AK5: variants seen among roughly 807,000 people sequenced by gnomAD.
The protein encoded by AK5 is adenylate kinase isoenzyme 5.
A neutral mutation model predicts 69.5 loss-of-function variants in AK5; 27 were observed. The ratio of observed to expected loss-of-function variants is 0.39; its 90% CI spans 0.29 to 0.54. AK5 has a LOEUF of 0.54. Ranked by LOEUF, AK5 falls within the 20% of genes least tolerant of loss-of-function variation. The pLI, the probability that AK5 is intolerant of heterozygous loss-of-function variation, is 0.71. For synonymous variants in AK5, 260 were observed against 244.4 expected (o/e 1.06, Z -0.60); for missense variants, 531 against 700.4 (o/e 0.76, Z 2.73).
At chr1:77,401,051 C>T (rs1649182578) in intron 6 of AK5, among the ~76,000 whole-genome samples, 1 of 152,054 alleles carries the variant, frequency 6.6e-6, no homozygotes, top group South Asian at 2.1e-4. Flanking sequence ...TTGTTCCCAC[C>T]CATCTCACTC....
intron 5 of AK5, among the ~76,000 whole-genome samples, chr1:77,333,406 T>C (rs1661188332): frequency 1.3e-5 from 2 of 152,220 alleles, no homozygotes; most frequent in Non-Finnish European, 2.9e-5. Flanking sequence ...TTTATTCTGT[T>C]CAAATCTAAT....
chr1:77,491,304 A>ATT (rs10700619), intron 10 of AK5, among the ~76,000 whole-genome samples: 1,824 of 87,326 alleles, frequency 0.021, 110 homozygotes, highest in African/African-American at 0.025. Context: ...CATGAATTGA[A>ATT]TTTTTTTTTT....
At chr1:77,507,834 A>G (rs1424030419) in intron 10 of AK5, among the ~76,000 whole-genome samples, 1 of 152,222 alleles carries the variant, frequency 6.6e-6, no homozygotes, top group Non-Finnish European at 1.5e-5. Context: ...CAGGCTAACC[A>G]TCAGAATCAC....
chr1:77,298,216 C>T (rs1353479331), intron 5 of AK5, among the ~76,000 whole-genome samples: 3 of 151,710 alleles, frequency 2.0e-5, no homozygotes, highest in Non-Finnish European at 4.4e-5. Flanking sequence ...TTTCAAAATA[C>T]TTTTCATACA....
chr1:77,531,998 C>CCGGCCAGT (rs1553161468), intron 12 of AK5: 5 of 139,052 alleles, frequency 3.6e-5, no homozygotes, highest in Non-Finnish European at 3.4e-5. Flanking sequence ...ATCCGGCCGG[C>CCGGCCAGT]CGGCCGGCCG....
chr1:77,487,701 A>G (rs1051360473), intron 10 of AK5, among the ~76,000 whole-genome samples: 1 of 152,198 alleles, frequency 6.6e-6, no homozygotes, highest in African/African-American at 2.4e-5. Flanking sequence ...CAGTCATTCA[A>G]TTAACTGGTA....
intron 6 of AK5, among the ~76,000 whole-genome samples, chr1:77,368,253 A>ATATATGTTATATATATTATATAT: frequency 2.6e-5 from 1 of 38,670 alleles, no homozygotes; most frequent in East Asian, 2.3e-3. Context: ...ATATATATAT[A>ATATATGTTATATATATTATATAT]ATATATATGT....
At chr1:77,365,193 C>A (rs967703439) in intron 6 of AK5, among the ~76,000 whole-genome samples, 8 of 152,210 alleles carry the variant, frequency 5.3e-5, no homozygotes, top group African/African-American at 1.2e-4. Context: ...AGGTCAATGG[C>A]TCATTTTTTA....
intron 12 of AK5, among the ~76,000 whole-genome samples, chr1:77,534,897 G>C (rs563118484): frequency 6.6e-6 from 1 of 152,292 alleles, no homozygotes; most frequent in Admixed American, 6.5e-5. Flanking sequence ...CGTGGTTCTG[G>C]AAGTTATGGG....
chr1:77,301,960 T>A (rs1416694437), intron 5 of AK5, among the ~76,000 whole-genome samples: 1 of 152,116 alleles, frequency 6.6e-6, no homozygotes, highest in Non-Finnish European at 1.5e-5. Flanking sequence ...CTCCTTTTTT[T>A]TTTTTTCCTA....
chr1:77,370,780 C>G (rs1392961744), intron 6 of AK5, among the ~76,000 whole-genome samples: 1 of 152,174 alleles, frequency 6.6e-6, no homozygotes, highest in Admixed American at 6.5e-5. Context: ...GCAAACCTGC[C>G]AAGCAGTGCC....
chr1:77,451,073 A>G (rs1378204681), intron 8 of AK5, among the ~76,000 whole-genome samples: 2 of 152,020 alleles, frequency 1.3e-5, no homozygotes, highest in Non-Finnish European at 2.9e-5. Context: ...CTATTCAGGA[A>G]GCTGAGCTGG....
At chr1:77,554,812 T>G (rs1232179835) in intron 13 of AK5, among the ~76,000 whole-genome samples, 4 of 146,506 alleles carry the variant, frequency 2.7e-5, no homozygotes, top group Non-Finnish European at 4.5e-5. Flanking sequence ...GAGACGGGGT[T>G]TCGCCATGTT....
chr1:77,540,248 T>A (rs1446945639), intron 13 of AK5, among the ~76,000 whole-genome samples: 1 of 152,272 alleles, frequency 6.6e-6, no homozygotes, highest in Non-Finnish European at 1.5e-5. Flanking sequence ...TAGAACTTCT[T>A]GTAACGTGCA....
intron 6 of AK5, among the ~76,000 whole-genome samples, chr1:77,409,106 T>C (rs1329852769): frequency 2.6e-5 from 4 of 152,276 alleles, no homozygotes; most frequent in Non-Finnish European, 5.9e-5. Flanking sequence ...TTCTTTTTTA[T>C]GGCTGCATAG....
chr1:77,426,738 C>T (rs1336258494), intron 8 of AK5, among the ~76,000 whole-genome samples: 4 of 152,156 alleles, frequency 2.6e-5, no homozygotes, highest in Non-Finnish European at 1.5e-5. Flanking sequence ...CATTCTGGGT[C>T]ATAAAACATA....
At chr1:77,350,678 C>A (rs1662146210) in intron 6 of AK5, among the ~76,000 whole-genome samples, 1 of 152,120 alleles carries the variant, frequency 6.6e-6, no homozygotes, top group African/African-American at 2.4e-5. Context: ...TGGAAAAGTT[C>A]TCTAAGGGAA....
chr1:77,417,262 G>A (rs965211301), intron 7 of AK5, among the ~76,000 whole-genome samples: 2 of 152,006 alleles, frequency 1.3e-5, no homozygotes, highest in Non-Finnish European at 2.9e-5. Context: ...TCCCCCTCCT[G>A]GACAACCTGT....
intron 5 of AK5, among the ~76,000 whole-genome samples, chr1:77,332,826 A>G (rs1017471577): frequency 6.6e-6 from 1 of 151,882 alleles, no homozygotes; most frequent in Non-Finnish European, 1.5e-5. Context: ...TGGTTTGTTA[A>G]TTGTGTTGAA....
Sources: allele counts gnomAD v4.1 joint callset (sites outside exome capture counted in the v4.1 genomes callset), GRCh38; gene constraint gnomAD v4.1.1; transcripts MANE v1.5; gene names NCBI Gene and HGNC (gene_info 2026-07-23, HGNC 2026-07-21).